The following SEMA5A variants were observed in gnomAD, a reference collection of about 807,000 sequenced individuals.
The protein encoded by SEMA5A is semaphorin-5A.
In SEMA5A, 55 loss-of-function variants were observed where a neutral mutation model predicts 135.5. That is an observed-to-expected ratio of 0.41 (90% confidence interval 0.33 to 0.51). The LOEUF (loss-of-function observed/expected upper bound fraction) is 0.51. Among genes scored for constraint, SEMA5A ranks in the 20% least tolerant of loss-of-function variants. The probability of loss-of-function intolerance (pLI) is 0.37; values close to 1 mark genes in which losing one functional copy is unlikely to be tolerated. For synonymous variants in SEMA5A, 580 were observed against 546.5 expected (o/e 1.06, Z -0.85); for missense variants, 1,290 against 1,419.9 (o/e 0.91, Z 1.47).
chr5:9,246,899 T>C (rs1748510569), intron 5 of SEMA5A, among the ~76,000 whole-genome samples: 1 of 152,152 alleles, frequency 6.6e-6, no homozygotes, highest in Admixed American at 6.6e-5. Flanking sequence ...CTGACAATAA[T>C]ATTCTAGCAC....
intron 10 of SEMA5A, 75 bp downstream of exon 10, chr5:9,197,093 C>T (rs1745429336): frequency 3.1e-6 from 5 of 1,589,292 alleles, no homozygotes; most frequent in African/African-American, 1.3e-5. Context: ...TTAAATTACC[C>T]TTGCCTGTCT....
chr5:9,275,431 A>G (rs560822166), intron 5 of SEMA5A, among the ~76,000 whole-genome samples: 8 of 151,564 alleles, frequency 5.3e-5, no homozygotes, highest in Non-Finnish European at 7.4e-5. Context: ...CATTCCTTCT[A>G]AAACTATTCA....
chr5:9,279,969 T>G (rs1750458169), intron 5 of SEMA5A, among the ~76,000 whole-genome samples: 1 of 152,214 alleles, frequency 6.6e-6, no homozygotes, highest in Non-Finnish European at 1.5e-5. Flanking sequence ...TATGACCATT[T>G]TGTCACTGGC....
chr5:9,468,583 A>G (rs1481287175), intron 1 of SEMA5A, among the ~76,000 whole-genome samples: 2 of 152,260 alleles, frequency 1.3e-5, no homozygotes, highest in Non-Finnish European at 2.9e-5. Flanking sequence ...TTCTGGTAAC[A>G]CTTGGGGGTG....
chr5:9,129,059 G>A (rs766766724), intron 13 of SEMA5A, among the ~76,000 whole-genome samples: 5 of 152,172 alleles, frequency 3.3e-5, no homozygotes, highest in Non-Finnish European at 7.3e-5. Flanking sequence ...TGAATTAGTA[G>A]GGTCTTAAGC....
intron 5 of SEMA5A, among the ~76,000 whole-genome samples, chr5:9,293,036 T>A (rs1217510568): frequency 2.6e-5 from 4 of 152,194 alleles, no homozygotes; most frequent in African/African-American, 7.2e-5. Flanking sequence ...TCCTTTCTTG[T>A]GGTCATCTCC....
chr5:9,048,329 C>T (rs1736384149), intron 21 of SEMA5A, among the ~76,000 whole-genome samples: 1 of 152,226 alleles, frequency 6.6e-6, no homozygotes, highest in Non-Finnish European at 1.5e-5. Flanking sequence ...CATCATCCCT[C>T]TAAGTCTCAT....
At chr5:9,258,999 T>G (rs1732441191) in intron 5 of SEMA5A, among the ~76,000 whole-genome samples, 1 of 151,998 alleles carries the variant, frequency 6.6e-6, no homozygotes, top group South Asian at 2.1e-4. Context: ...ATTTTGTATT[T>G]TTGGTAGAGG....
At chr5:9,402,543 T>A (rs961453253) in intron 2 of SEMA5A, among the ~76,000 whole-genome samples, 17 of 152,164 alleles carry the variant, frequency 1.1e-4, no homozygotes, top group African/African-American at 4.1e-4. Context: ...TGAGGTGAAA[T>A]GATCTACTGG....
intron 15 of SEMA5A, among the ~76,000 whole-genome samples, chr5:9,111,553 A>C (rs1740240713): frequency 6.6e-6 from 1 of 152,198 alleles, no homozygotes; most frequent in Non-Finnish European, 1.5e-5. Flanking sequence ...ACTGAGCTGC[A>C]TTTTAAGGTT....
At chr5:9,228,267 A>T (rs1485629348) in intron 6 of SEMA5A, among the ~76,000 whole-genome samples, 1 of 152,210 alleles carries the variant, frequency 6.6e-6, no homozygotes, top group African/African-American at 2.4e-5. Flanking sequence ...CTGACAACTA[A>T]GTGTTAAATA....
At chr5:9,361,319 AAACAAC>A (rs200455742) in intron 3 of SEMA5A, among the ~76,000 whole-genome samples, 5 of 151,036 alleles carry the variant, frequency 3.3e-5, no homozygotes, top group South Asian at 4.2e-4. Context: ...AAAAAATTGC[AAACAAC>A]AACAACAACA....
chr5:9,526,731 G>A (rs1191103059), intron 1 of SEMA5A, among the ~76,000 whole-genome samples: 1 of 152,164 alleles, frequency 6.6e-6, no homozygotes, highest in Admixed American at 6.5e-5. Context: ...GACAGGGCCT[G>A]CAGGCAATGC....
intron 8 of SEMA5A, among the ~76,000 whole-genome samples, chr5:9,207,062 G>A (rs1478830024): frequency 7.5e-6 from 1 of 132,972 alleles, no homozygotes; most frequent in Non-Finnish European, 1.6e-5. Context: ...AATAATTTCT[G>A]TTGAACAGAA....
intron 11 of SEMA5A, among the ~76,000 whole-genome samples, chr5:9,186,456 A>G (rs537203778): frequency 1.3e-5 from 2 of 152,328 alleles, no homozygotes; most frequent in African/African-American, 4.8e-5. Flanking sequence ...AAAGTAAAAG[A>G]AAATACACCT....
intron 1 of SEMA5A, among the ~76,000 whole-genome samples, chr5:9,440,971 G>T (rs1390690496): frequency 1.3e-5 from 2 of 152,196 alleles, no homozygotes; most frequent in African/African-American, 2.4e-5. Context: ...GTGATGAAAA[G>T]AAACCGTAAA....
chr5:9,481,198 T>G (rs1444301451), intron 1 of SEMA5A, among the ~76,000 whole-genome samples: 1 of 152,178 alleles, frequency 6.6e-6, no homozygotes, highest in Non-Finnish European at 1.5e-5. Flanking sequence ...CTGCCCACTT[T>G]GGCCTCCAAA....
rs1745884276 is a variant in SEMA5A, at chr5:9,204,225, C to A, written c.647-1985G>T. ...CAACAACAAAAACAGCAACAAGCAACCCTTCCTAAAATGTGGAAAACAAAG... is the reference window on the plus strand; with the variant it reads ...CAACAACAAAAACAGCAACAAGCAAACCTTCCTAAAATGTGGAAAACAAAG... On this transcript the variant is annotated intron_variant, in intron 8 of 22. Transcript: ENST00000382496. This position sits in a 1 kb window ranked among gnomAD's most constrained non-coding sequence, Gnocchi z 6.4. 2.6e-5 allele frequency among the ~76,000 whole-genome samples: 4 copies of A among 152,122 alleles called. No individual in the cohort carries two copies. The South Asian group carries it at 8.3e-4, about 32-fold the overall frequency.
At position 9,510,580 on chromosome 5, in the gene SEMA5A, T is replaced by TTTTAAGGAACTATATAAGTTCC. The variant is rs547737081; in HGVS notation, c.-175+34982_-175+35003dup. Among the ~76,000 whole-genome samples the TTTTAAGGAACTATATAAGTTCC allele has an allele frequency of 2.0e-4, 31 of 152,302 alleles. No homozygotes were observed. The East Asian group carries it at 4.4e-3, about 22-fold the overall frequency. ...TTTTATAAACGGGTTATAGCAAACT[T>TTTTAAGGAACTATATAAGTTCC]TTTAAGGAACTATATAAGTTCCTTT... On this transcript the variant is annotated intron_variant, in intron 1 of 22. Transcript: ENST00000382496.
Sources: allele counts gnomAD v4.1 joint callset (sites outside exome capture counted in the v4.1 genomes callset), GRCh38; gene constraint gnomAD v4.1.1; non-coding constraint Gnocchi (gnomAD v3.1); transcripts MANE v1.5; gene names NCBI Gene and HGNC (gene_info 2026-07-23, HGNC 2026-07-21).